EIF3D: variants seen among roughly 807,000 people sequenced by gnomAD.
The protein encoded by EIF3D is eIF3 p66.
Under a neutral mutation model 75.4 loss-of-function variants are expected in EIF3D, and 10 were observed. That is an observed-to-expected ratio of 0.13 (90% CI 0.08 to 0.22). EIF3D has a LOEUF of 0.22. EIF3D is among the 10% of genes least tolerant of loss of function. The pLI is 1.00. For synonymous variants in EIF3D, 246 were observed against 248.3 expected (o/e 0.99, Z 0.09); for missense variants, 394 against 708.0 (o/e 0.56, Z 5.03).
rs769272436 is a variant in EIF3D, at chr22:36,524,716, C to T, written c.186G>A (p.Gln62=). The change falls in exon 4 of 15, where the codon CAG becomes CAA. Residue 62 remains glutamine (Q), a synonymous_variant. Transcript: ENST00000216190. ...AAGCATATTGACTTCCACCACCAAACTGAGAGGAGTACTTATCTGGAGGCA... is the reference window on the plus strand; with the variant it reads ...AAGCATATTGACTTCCACCACCAAATTGAGAGGAGTACTTATCTGGAGGCA... ...DKRYTNKYSS[Q]FGGGSQYAYF... The T allele has an allele frequency of 6.8e-6, 11 of 1,614,106 alleles. No individual in the cohort carries two copies. The highest frequency in any genetic ancestry group is 6.6e-5 in the South Asian group (6 of 91,090).
chr22:36,514,354 T>C (rs940360867), intron 12 of EIF3D, among the ~76,000 whole-genome samples: 22 of 152,178 alleles, frequency 1.4e-4, no homozygotes, highest in African/African-American at 4.8e-4. Context: ...CAGAGTCTCC[T>C]CCCCTTGACT....
chr22:36,521,964 AAACC>A (rs2145876072), intron 6 of EIF3D, among the ~76,000 whole-genome samples: 1 of 152,118 alleles, frequency 6.6e-6, no homozygotes, highest in East Asian at 1.9e-4. Context: ...AAAACCAAAA[AAACC>A]AACAACAGAT....
At chr22:36,517,270 T>C (rs767140440) in intron 10 of EIF3D, 31 bp downstream of exon 10, 5 of 1,613,304 alleles carry the variant, frequency 3.1e-6, no homozygotes, top group South Asian at 1.1e-5. Flanking sequence ...TAAATAAGAA[T>C]GAATCAATGC....
At chr22:36,523,119 T>A (rs1206497721) in intron 6 of EIF3D, 90 bp downstream of exon 6, 2 of 1,039,604 alleles carry the variant, frequency 1.9e-6, no homozygotes, top group Admixed American at 1.7e-5. Context: ...TTGTACGGTA[T>A]GTGAAGTATA....
At chr22:36,525,740 A>G in intron 2 of EIF3D, 31 bp from the exon 3 acceptor site, 4 of 1,606,556 alleles carry the variant, frequency 2.5e-6, no homozygotes, top group South Asian at 1.1e-5. Context: ...CAGAGAATGC[A>G]CAGGTCAACC....
At chr22:36,511,913 C>G (rs935008844) in intron 13 of EIF3D, 127 bp from the exon 14 acceptor site, 137 of 1,060,030 alleles carry the variant, frequency 1.3e-4, no homozygotes, top group Non-Finnish European at 1.6e-4. Flanking sequence ...TTTTTTGAGA[C>G]GGAGTCTGGC....
chr22:36,511,023 G>A, intron 14 of EIF3D, 23 bp from the exon 15 acceptor site: 1 of 1,606,628 alleles, frequency 6.2e-7, no homozygotes, highest in Non-Finnish European at 8.5e-7. Flanking sequence ...AAAAATGTAA[G>A]AGAAATGAGC....
intron 14 of EIF3D, chr22:36,511,211 A>G: frequency 1.2e-6 from 1 of 808,978 alleles, no homozygotes. Flanking sequence ...TTTAACCCGG[A>G]GCGGAGCTTT....
intron 13 of EIF3D, among the ~76,000 whole-genome samples, chr22:36,512,075 TGA>T (rs1044940354): frequency 3.3e-5 from 5 of 151,970 alleles, no homozygotes; most frequent in Non-Finnish European, 7.4e-5. Flanking sequence ...TATTTTTAGT[TGA>T]GACAGGGTTT....
chr22:36,524,234 G>A (rs1934560640), intron 4 of EIF3D, among the ~76,000 whole-genome samples: 1 of 152,040 alleles, frequency 6.6e-6, no homozygotes, highest in African/African-American at 2.4e-5. Flanking sequence ...GATTTTCTGA[G>A]TTTGCCTCTT....
intron 14 of EIF3D, 107 bp from the exon 15 acceptor site, chr22:36,511,107 A>T (rs1934327017): frequency 7.3e-7 from 1 of 1,371,656 alleles, no homozygotes; most frequent in Non-Finnish European, 9.8e-7. Flanking sequence ...CAACACTTCC[A>T]TTCCGAAGTT....
intron 6 of EIF3D, among the ~76,000 whole-genome samples, chr22:36,521,734 C>A (rs930393390): frequency 1.4e-5 from 2 of 146,834 alleles, no homozygotes; most frequent in South Asian, 4.4e-4. Flanking sequence ...TGAAACCAGC[C>A]GGGCCAACAT....
chr22:36,518,688 C>G (rs1934465789), intron 9 of EIF3D, 75 bp downstream of exon 9: 5 of 1,565,426 alleles, frequency 3.2e-6, no homozygotes, highest in Non-Finnish European at 3.5e-6. Flanking sequence ...TATCCATTCT[C>G]TAGTACCAGA....
intron 12 of EIF3D, among the ~76,000 whole-genome samples, chr22:36,514,231 A>G (rs1480448789): frequency 6.6e-6 from 1 of 152,194 alleles, no homozygotes; most frequent in East Asian, 1.9e-4. Flanking sequence ...GCAGAAAAAC[A>G]ATGGGAAGTA....
At chr22:36,519,379 G>A (rs371508619) in intron 8 of EIF3D, 26 bp downstream of exon 8, 53 of 1,613,454 alleles carry the variant, frequency 3.3e-5, no homozygotes, top group Non-Finnish European at 4.3e-5. Flanking sequence ...CTAACAAGGG[G>A]GAGAGGGGCA....
chr22:36,510,942 T>C lies in EIF3D; in HGVS notation c.*45A>G. ...ACATTCCACTAAGCATCAAAGGCCCTCGTAGTCTCGGTGGAAGGACAAACT... is the reference window on the plus strand; with the variant it reads ...ACATTCCACTAAGCATCAAAGGCCCCCGTAGTCTCGGTGGAAGGACAAACT... On this transcript the variant is annotated 3_prime_UTR_variant, in exon 15 of 15. Coordinates refer to ENST00000216190, the MANE Select transcript of EIF3D (RefSeq NM_003753.4). 6.3e-7 allele frequency: 1 copy of C among 1,587,526 alleles called. No individual in the cohort carries two copies.
chr22:36,514,542 G>A (rs989806553), intron 12 of EIF3D, among the ~76,000 whole-genome samples: 2 of 145,832 alleles, frequency 1.4e-5, no homozygotes, highest in African/African-American at 5.1e-5. Context: ...CGGAGACGGA[G>A]GAAGTCAGAG....
In EIF3D at chr22:36,519,557, A is replaced by G; in HGVS notation, c.579-20T>C. The G allele has an allele frequency of 6.2e-7, 1 of 1,613,878 alleles. No individual in the cohort carries two copies. The highest frequency in any genetic ancestry group is 1.1e-5 in the South Asian group (1 of 91,054). ...CACTCACTGTGGGAAGAGCAGGCAA[A>G]GACATGCAAAGTAAGAGAGATAACC... On this transcript the variant is annotated intron_variant, in intron 7 of 14. Coordinates refer to ENST00000216190, the MANE Select transcript of EIF3D (RefSeq NM_003753.4).
chr22:36,525,833 G>GT (rs1380145894), intron 2 of EIF3D, 124 bp from the exon 3 acceptor site: 12 of 1,453,512 alleles, frequency 8.3e-6, no homozygotes, highest in Admixed American at 2.1e-5. Flanking sequence ...CAACACCTCT[G>GT]TAAGTGCCCA....
Sources: allele counts gnomAD v4.1 joint callset (sites outside exome capture counted in the v4.1 genomes callset), GRCh38; gene constraint gnomAD v4.1.1; transcripts MANE v1.5; gene names NCBI Gene and HGNC (gene_info 2026-07-23, HGNC 2026-07-21).